The following NFAM1 variants were observed in gnomAD, a reference collection of about 807,000 sequenced individuals.
NFAM1 encodes NFAT activating protein with ITAM motif 1.
In NFAM1, 17 loss-of-function variants were observed where a neutral mutation model predicts 29.0. The observed-to-expected ratio is 0.59, with a 90% confidence interval of 0.40 to 0.88. NFAM1 has a LOEUF of 0.88. Among genes scored for constraint, NFAM1 ranks in the 40% least tolerant of loss-of-function variants. The probability of loss-of-function intolerance (pLI) is 0.00; values close to 1 mark genes in which losing one functional copy is unlikely to be tolerated. For missense variants in NFAM1, 324 were observed against 344.6 expected (o/e 0.94, Z 0.47); for synonymous variants, 175 against 147.2 (o/e 1.19, Z -1.36).
chr22:42,432,307 AG>A lies in NFAM1; in HGVS notation c.50del (p.Pro17LeufsTer29). The A allele has an allele frequency of 6.3e-7, 1 of 1,575,408 alleles. No individual in the cohort carries two copies. Among genetic ancestry groups the A allele is most frequent in the South Asian group, 1.2e-5 (1 of 86,238 alleles). On this transcript the variant is annotated frameshift_variant, in exon 1 of 6. Transcript: ENST00000329021. LOFTEE classifies it high-confidence loss of function. ...GCCAGGGGGCTGCGGGGAGCCCAGG[AG>A]GGCGTGGGAGGCCTGGCAGGGCCCG... ...RWRALPGLPR[P>X]PGLPAAPWLL...
At chr22:42,436,671 C>A (rs1458765254), upstream of NFAM1, among the ~76,000 whole-genome samples, 2 of 152,212 alleles carry the variant, frequency 1.3e-5, no homozygotes, top group African/African-American at 4.8e-5. Context: ...TTGTTTGATG[C>A]CAGACACAGT....
At chr22:42,398,646 T>C (rs953168664) in intron 3 of NFAM1, among the ~76,000 whole-genome samples, 1 of 152,106 alleles carries the variant, frequency 6.6e-6, no homozygotes, top group African/African-American at 2.4e-5. Flanking sequence ...ACTCCTGACC[T>C]CAGGTGATCC....
At chr22:42,416,676 C>T (rs1930270684) in intron 1 of NFAM1, among the ~76,000 whole-genome samples, 1 of 152,132 alleles carries the variant, frequency 6.6e-6, no homozygotes, top group Non-Finnish European at 1.5e-5. Flanking sequence ...GCTTCTCACC[C>T]CAGGCTGAGA....
chr22:42,434,853 C>T (rs568561797), upstream of NFAM1, among the ~76,000 whole-genome samples: 154 of 152,334 alleles, frequency 1.0e-3, 1 homozygote, highest in Middle Eastern at 0.014. Flanking sequence ...GACCACACGT[C>T]TCAGCCACTG....
chr22:42,416,825 T>C (rs987322448), intron 1 of NFAM1, among the ~76,000 whole-genome samples: 3 of 152,218 alleles, frequency 2.0e-5, no homozygotes, highest in African/African-American at 7.2e-5. Flanking sequence ...TATGTCCCCA[T>C]GGGATAACGT....
At chr22:42,396,049 ATCATCGTTG>A (rs1349540055) in intron 4 of NFAM1, among the ~76,000 whole-genome samples, 1 of 152,144 alleles carries the variant, frequency 6.6e-6, no homozygotes, top group African/African-American at 2.4e-5. Flanking sequence ...TCTTGATACC[ATCATCGTTG>A]TGACTGTCAC....
chr22:42,420,221 G>T (rs935873613), intron 1 of NFAM1, among the ~76,000 whole-genome samples: 1 of 151,832 alleles, frequency 6.6e-6, no homozygotes, highest in African/African-American at 2.4e-5. Context: ...TGTTGGCCAG[G>T]CTAGTCTCGA....
upstream of NFAM1, chr22:42,432,409 C>T (rs560434514): frequency 3.4e-5 from 51 of 1,486,328 alleles, no homozygotes; most frequent in African/African-American, 3.0e-4. Context: ...AGGGGACGGC[C>T]GGCGCTGACA....
At chr22:42,431,749 G>A (rs569256241) in intron 1 of NFAM1, among the ~76,000 whole-genome samples, 41 of 152,292 alleles carry the variant, frequency 2.7e-4, no homozygotes, top group African/African-American at 9.4e-4. Context: ...GCCTCTGGGC[G>A]CAGAGCCCTG....
upstream of NFAM1, among the ~76,000 whole-genome samples, chr22:42,436,713 T>C (rs1252825121): frequency 6.6e-6 from 1 of 152,218 alleles, no homozygotes; most frequent in African/African-American, 2.4e-5. Flanking sequence ...TCAGCCCTCA[T>C]AGAAACCTTG....
upstream of NFAM1, among the ~76,000 whole-genome samples, chr22:42,435,264 C>A (rs935468927): frequency 6.6e-6 from 1 of 152,050 alleles, no homozygotes; most frequent in Non-Finnish European, 1.5e-5. Flanking sequence ...CCCCTGCAGT[C>A]CCCAGGGGCC....
chr22:42,408,590 A>G (rs1601748767), intron 3 of NFAM1, among the ~76,000 whole-genome samples: 3 of 152,166 alleles, frequency 2.0e-5, no homozygotes, highest in African/African-American at 7.2e-5. Context: ...GCATCCTTTC[A>G]CTCAGCATGC....
chr22:42,411,583 C>T lies in NFAM1; in HGVS notation c.275G>A (p.Ser92Asn), dbSNP rs375245541. 26 of 1,614,100 alleles carry T rather than the reference C, an allele frequency of 1.6e-5. No individual in the cohort carries two copies. In the African/African-American group the frequency reaches 2.9e-4, roughly 18 times the overall value. Residue 92 changes from serine (S) to asparagine (N), a missense_variant, in exon 2 of 6, where the codon AGC (serine) becomes AAC (asparagine). Transcript: ENST00000329021. ...YFHEDLQGQR[S>N]PKKPTNCHPG... ...GTGGCAGTTTGTTGGCTTCTTAGGGCTCCTCTGTCCCTGGAGATCTTCATG... is the reference window on the plus strand; with the variant it reads ...GTGGCAGTTTGTTGGCTTCTTAGGGTTCCTCTGTCCCTGGAGATCTTCATG...
At chr22:42,416,067 C>T (rs1300880267) in intron 1 of NFAM1, among the ~76,000 whole-genome samples, 1 of 152,082 alleles carries the variant, frequency 6.6e-6, no homozygotes, top group Non-Finnish European at 1.5e-5. Context: ...AACCCACAGA[C>T]AGAAGGAAAA....
At chr22:42,417,870 C>T (rs548038781) in intron 1 of NFAM1, among the ~76,000 whole-genome samples, 11 of 152,262 alleles carry the variant, frequency 7.2e-5, no homozygotes, top group Admixed American at 2.6e-4. Flanking sequence ...GGAGGGCCCC[C>T]GCCCCGTCCC....
chr22:42,432,724 ACTT>A (rs1930851058), upstream of NFAM1, among the ~76,000 whole-genome samples: 1 of 152,196 alleles, frequency 6.6e-6, no homozygotes, highest in African/African-American at 2.4e-5. Flanking sequence ...TTAGCCTCTC[ACTT>A]CTGAAACACT....
At position 42,419,130 on chromosome 22, in the gene NFAM1, C is replaced by T. The variant is rs1030238124; in HGVS notation, c.122-7394G>A. Reference sequence around the variant, plus strand: ...GAGTCCCTGGCGGGGTGTGCCCCCACGTGTTTGTGTGCCCACCTGGCAGCT... The same window carrying T: ...GAGTCCCTGGCGGGGTGTGCCCCCATGTGTTTGTGTGCCCACCTGGCAGCT... On this transcript the variant is annotated intron_variant, in intron 1 of 5. Transcript: ENST00000329021. The surrounding 1 kb of genome is among the most constrained non-coding windows in gnomAD (Gnocchi z 4.5). 6.6e-6 allele frequency among the ~76,000 whole-genome samples: 1 copy of T among 152,140 alleles called. No homozygotes were observed. Among genetic ancestry groups the T allele is most frequent in the Non-Finnish European group, 1.5e-5 (1 of 68,014 alleles).
chr22:42,428,910 A>G (rs2146559347), intron 1 of NFAM1, among the ~76,000 whole-genome samples: 1 of 152,356 alleles, frequency 6.6e-6, no homozygotes, highest in South Asian at 2.1e-4. Flanking sequence ...ACTGAGGCCC[A>G]TGGAAGCTGA....
chr22:42,391,441 C>T (rs1011367587), intron 4 of NFAM1, among the ~76,000 whole-genome samples: 2 of 152,090 alleles, frequency 1.3e-5, no homozygotes, highest in African/African-American at 4.8e-5. Context: ...AGGCAAGAAA[C>T]GGGAGTGGCT....
Sources: gnomAD v4.1 joint callset for allele counts (sites outside exome capture counted in the v4.1 genomes callset) on GRCh38, gnomAD v4.1.1 for gene constraint, Gnocchi (gnomAD v3.1) non-coding constraint, MANE v1.5 for transcripts, NCBI Gene and HGNC (gene_info 2026-07-23, HGNC 2026-07-21) for gene names.